The following IGF1 variants were observed in gnomAD, a reference collection of about 807,000 sequenced individuals.
IGF1 encodes the protein insulin-like growth factor 1.
IGF1 carries 4 observed loss-of-function variants against 13.8 expected under a neutral mutation model. That is an observed-to-expected ratio of 0.29 (90% CI 0.14 to 0.66). The LOEUF (loss-of-function observed/expected upper bound fraction) is 0.66. IGF1 is among the 30% of genes least tolerant of loss of function. IGF1 has a pLI of 0.78. For synonymous variants in IGF1, 76 were observed against 72.6 expected (o/e 1.05, Z -0.23); for missense variants, 124 against 188.5 (o/e 0.66, Z 2.00).
At chr12:102,475,123 G>A (rs998451290) in intron 2 of IGF1, among the ~76,000 whole-genome samples, 2 of 152,134 alleles carry the variant, frequency 1.3e-5, no homozygotes, top group Non-Finnish European at 2.9e-5. Context: ...GCCTTTAAGG[G>A]GAGTTAACCT....
chr12:102,435,017 T>C (rs1877100590), intron 2 of IGF1, among the ~76,000 whole-genome samples: 1 of 152,188 alleles, frequency 6.6e-6, no homozygotes, highest in Non-Finnish European at 1.5e-5. Flanking sequence ...AATAACAATA[T>C]AACAATTAAA....
chr12:102,418,066 G>A lies in IGF1; in HGVS notation c.402+1443C>T. On this transcript the variant is annotated intron_variant, in intron 3 of 3. Transcript: ENST00000337514. ...TGGTTCCCATGGTGTCCCTTTGAAT[G>A]AGCTCAGAATGCCCAGGCTCCATAT... is the stretch of plus-strand genomic sequence containing the variant. 12 of 1,553,280 alleles carry A rather than the reference G, an allele frequency of 7.7e-6. No homozygotes were observed. The South Asian group carries it at 9.4e-5, about 12-fold the overall frequency.
At chr12:102,404,685 C>T (rs1873981999) in intron 3 of IGF1, among the ~76,000 whole-genome samples, 5 of 152,090 alleles carry the variant, frequency 3.3e-5, no homozygotes, top group Admixed American at 3.3e-4. Context: ...CACAAAAGAC[C>T]ACTTAAGATA....
intron 3 of IGF1, among the ~76,000 whole-genome samples, chr12:102,413,834 C>T (rs891114008): frequency 5.3e-5 from 8 of 152,142 alleles, no homozygotes; most frequent in Non-Finnish European, 1.0e-4. Context: ...GAAGCAATGG[C>T]TCTCACTTGG....
At chr12:102,452,993 T>G (rs776466166) in intron 2 of IGF1, among the ~76,000 whole-genome samples, 1 of 152,150 alleles carries the variant, frequency 6.6e-6, no homozygotes, top group Non-Finnish European at 1.5e-5. Flanking sequence ...TTAATTAAAT[T>G]GGGTGTTTTT....
intron 2 of IGF1, among the ~76,000 whole-genome samples, chr12:102,449,659 C>A (rs1392741076): frequency 6.9e-6 from 1 of 144,622 alleles, no homozygotes; most frequent in African/African-American, 2.5e-5. Flanking sequence ...TCAGCACAGG[C>A]CTCTCTCAGG....
At chr12:102,442,610 G>A (rs1877961689) in intron 2 of IGF1, among the ~76,000 whole-genome samples, 1 of 152,026 alleles carries the variant, frequency 6.6e-6, no homozygotes, top group African/African-American at 2.4e-5. Flanking sequence ...TTATGATACT[G>A]ACAAGTTTAT....
upstream of IGF1, among the ~76,000 whole-genome samples, chr12:102,481,172 T>C (rs1287974940): frequency 1.3e-5 from 2 of 152,164 alleles, no homozygotes; most frequent in Non-Finnish European, 2.9e-5. Flanking sequence ...CTTTTTCTCC[T>C]GCGATGAGGC....
At position 102,401,334 on chromosome 12, in the gene IGF1, C is replaced by T. The variant is rs1449525414; in HGVS notation, c.*1173G>A. 6.6e-6 allele frequency: 1 copy of T among 152,440 alleles called. No homozygotes were observed. The highest frequency in any genetic ancestry group is 2.4e-5 in the African/African-American group (1 of 41,436). The allele number at this position is 152,440 out of a possible 1,614,324, so 9.4% of individuals were successfully genotyped here. A position where few individuals can be genotyped will look rare whatever the true frequency, so the allele number is the denominator to read the frequency against. ...CATTTCTTCCATGAGAAAAAGAAACCAGGACTGCTAAAATTCCTAGCCTTC... is the reference window on the plus strand; with the variant it reads ...CATTTCTTCCATGAGAAAAAGAAACTAGGACTGCTAAAATTCCTAGCCTTC... On this transcript the variant is annotated 3_prime_UTR_variant, in exon 4 of 4. Transcript: ENST00000337514.
At chr12:102,434,043 G>C (rs180812025) in intron 2 of IGF1, among the ~76,000 whole-genome samples, 135 of 152,270 alleles carry the variant, frequency 8.9e-4, no homozygotes, top group Middle Eastern at 3.4e-3. Context: ...CCTGGGTTCA[G>C]ATGCTGGCTA....
At chr12:102,433,414 A>C (rs1876921608) in intron 2 of IGF1, among the ~76,000 whole-genome samples, 1 of 152,228 alleles carries the variant, frequency 6.6e-6, no homozygotes, top group African/African-American at 2.4e-5. Flanking sequence ...CAGTTCAAGG[A>C]TAATTGCTCA....
intron 2 of IGF1, among the ~76,000 whole-genome samples, chr12:102,441,952 CTTCTTT>C (rs1371033383): frequency 2.1e-5 from 3 of 141,056 alleles, no homozygotes; most frequent in East Asian, 2.0e-4. Context: ...TCTTCTTCTT[CTTCTTT>C]TTTTTTTTTG....
chr12:102,480,478 C>A lies in IGF1; in HGVS notation c.-97G>T. Reference sequence around the variant, plus strand: ...ATGGGAGATGTTGAGAGCAATGTCACATTTCAATTTTGAGGACTTTATTCC... The same window carrying A: ...ATGGGAGATGTTGAGAGCAATGTCAAATTTCAATTTTGAGGACTTTATTCC... On this transcript the variant is annotated 5_prime_UTR_variant, in exon 1 of 4. An upstream start codon of the reference 5' UTR is lost. Coordinates refer to ENST00000337514, the MANE Select transcript of IGF1 (RefSeq NM_000618.5). 6.3e-7 allele frequency: 1 copy of A among 1,591,442 alleles called. No individual in the cohort carries two copies. The highest frequency in any genetic ancestry group is 8.6e-7 in the Non-Finnish European group (1 of 1,169,324).
At chr12:102,446,208 T>A (rs925754948) in intron 2 of IGF1, among the ~76,000 whole-genome samples, 3 of 152,190 alleles carry the variant, frequency 2.0e-5, no homozygotes, top group Non-Finnish European at 2.9e-5. Context: ...CTCTGCCAAG[T>A]TATGGTGTCA....
chr12:102,432,970 C>T (rs1876874539), intron 2 of IGF1, among the ~76,000 whole-genome samples: 1 of 152,024 alleles, frequency 6.6e-6, no homozygotes, highest in Non-Finnish European at 1.5e-5. Flanking sequence ...GAGAGAGGTT[C>T]AACACACAGC....
chr12:102,473,263 T>C (rs1298916083), intron 2 of IGF1, among the ~76,000 whole-genome samples: 1 of 152,206 alleles, frequency 6.6e-6, no homozygotes, highest in Non-Finnish European at 1.5e-5. Flanking sequence ...CTTATGACAA[T>C]AATACTTAGT....
At chr12:102,467,697 A>G (rs1880425769) in intron 2 of IGF1, among the ~76,000 whole-genome samples, 1 of 152,146 alleles carries the variant, frequency 6.6e-6, no homozygotes, top group Non-Finnish European at 1.5e-5. Flanking sequence ...AACCAACAAG[A>G]TCTATGCTCA....
intron 3 of IGF1, among the ~76,000 whole-genome samples, chr12:102,416,731 G>A (rs1162490541): frequency 6.6e-6 from 1 of 152,120 alleles, no homozygotes; most frequent in East Asian, 1.9e-4. Context: ...TGTTTTCTAG[G>A]AGCTGTAATC....
At chr12:102,473,021 T>C (rs1032378891) in intron 2 of IGF1, among the ~76,000 whole-genome samples, 2 of 152,192 alleles carry the variant, frequency 1.3e-5, no homozygotes, top group African/African-American at 4.8e-5. Flanking sequence ...TTCTATTCGA[T>C]TGGATTCAAC....
Sources: gnomAD v4.1 joint callset for allele counts (sites outside exome capture counted in the v4.1 genomes callset) on GRCh38, gnomAD v4.1.1 for gene constraint, MANE v1.5 for transcripts, NCBI Gene and HGNC (gene_info 2026-07-23, HGNC 2026-07-21) for gene names.